SOBP: variants seen among roughly 807,000 people sequenced by gnomAD.
SOBP encodes sine oculis-binding protein homolog.
A neutral mutation model predicts 53.6 loss-of-function variants in SOBP; 4 were observed. The ratio of observed to expected loss-of-function variants is 0.07; its 90% CI spans 0.04 to 0.17. The LOEUF (loss-of-function observed/expected upper bound fraction) is 0.17, where lower values mean the gene tolerates loss of function less well. Ranked by LOEUF, SOBP falls within the 10% of genes least tolerant of loss-of-function variation. SOBP has a pLI of 1.00. For missense variants in SOBP, 1,088 were observed against 1,204.7 expected, an observed-to-expected ratio of 0.90 and a Z score of 1.43; for synonymous variants, 584 against 522.6, an observed-to-expected ratio of 1.12 and a Z score of -1.60.
intron 3 of SOBP, among the ~76,000 whole-genome samples, chr6:107,524,716 G>A (rs561638081): frequency 1.1e-4 from 17 of 152,298 alleles, no homozygotes; most frequent in African/African-American, 3.1e-4. Context: ...GCCCAGTGCA[G>A]GCAAAGGAGG....
At chr6:107,578,845 C>A (rs1785317939) in intron 4 of SOBP, among the ~76,000 whole-genome samples, 1 of 152,166 alleles carries the variant, frequency 6.6e-6, no homozygotes, top group African/African-American at 2.4e-5. Flanking sequence ...TCTGTAACAT[C>A]TGGATCCTTT....
intron 5 of SOBP, among the ~76,000 whole-genome samples, chr6:107,625,919 C>A: frequency 6.6e-6 from 1 of 152,188 alleles, no homozygotes; most frequent in Non-Finnish European, 1.5e-5. Context: ...CACTTTTTAA[C>A]ACATTAGTTT....
At chr6:107,510,923 T>C (rs1192239046) in intron 3 of SOBP, among the ~76,000 whole-genome samples, 1 of 152,202 alleles carries the variant, frequency 6.6e-6, no homozygotes, top group East Asian at 1.9e-4. Context: ...CCTGTGTTAG[T>C]GTTCAAATTA....
chr6:107,584,456 G>A (rs757486750), intron 4 of SOBP, among the ~76,000 whole-genome samples: 14 of 152,134 alleles, frequency 9.2e-5, no homozygotes, highest in Non-Finnish European at 1.9e-4. Flanking sequence ...ACGTGAAGGT[G>A]ATGGTTCAAG....
In SOBP at chr6:107,634,683, C is replaced by T. The variant is rs1562117216; in HGVS notation, c.1839C>T (p.Ala613=). 1 of 1,527,324 alleles carries T rather than the reference C, an allele frequency of 6.5e-7. No homozygotes were observed. The highest frequency in any genetic ancestry group is 8.7e-7 in the Non-Finnish European group (1 of 1,143,294). The allele number at this position is 1,527,324 out of a possible 1,614,324, so 94.6% of individuals were successfully genotyped here. A position where few individuals can be genotyped will look rare whatever the true frequency, so the allele number is the denominator to read the frequency against. ...GQALSLAPTP[A]EHGRSEVVDL... is the part of the protein sequence containing the mutation. ...CCCTGAGCCTGGCGCCCACGCCCGC[C>T]GAGCATGGCCGGAGCGAGGTGGTGG... Residue 613 remains alanine, a synonymous_variant, in exon 6 of 7, where the codon GCC becomes GCT. Coordinates refer to ENST00000317357, the MANE Select transcript of SOBP (RefSeq NM_018013.4). The surrounding 1 kb of genome is among the most constrained non-coding windows in gnomAD (Gnocchi z 4.5).
intron 4 of SOBP, among the ~76,000 whole-genome samples, chr6:107,580,533 A>G (rs975352516): frequency 3.3e-5 from 5 of 152,220 alleles, no homozygotes; most frequent in South Asian, 2.1e-4. Context: ...GGTAGAGGAA[A>G]TAAGACATGG....
intron 6 of SOBP, among the ~76,000 whole-genome samples, chr6:107,649,358 G>A (rs560022433): frequency 5.3e-5 from 8 of 151,784 alleles, no homozygotes; most frequent in Non-Finnish European, 5.9e-5. Context: ...GGTGGTACAT[G>A]CCTGTGGTCC....
At chr6:107,619,362 A>G (rs1786918639) in intron 5 of SOBP, among the ~76,000 whole-genome samples, 1 of 152,106 alleles carries the variant, frequency 6.6e-6, no homozygotes, top group Non-Finnish European at 1.5e-5. Flanking sequence ...AGCTGGGGAA[A>G]CTCTGGATGA....
At chr6:107,531,508 G>A (rs1783823753) in intron 3 of SOBP, among the ~76,000 whole-genome samples, 1 of 151,904 alleles carries the variant, frequency 6.6e-6, no homozygotes, top group South Asian at 2.1e-4. Flanking sequence ...ATACACCAAG[G>A]TAAATTATAA....
intron 2 of SOBP, 110 bp from the exon 3 acceptor site, chr6:107,506,132 G>A: frequency 1.1e-6 from 1 of 941,468 alleles, no homozygotes; most frequent in South Asian, 1.4e-5. Flanking sequence ...AGATTTGCAA[G>A]AAAAAATATG....
intron 1 of SOBP, among the ~76,000 whole-genome samples, chr6:107,493,883 G>T (rs1017301517): frequency 6.6e-6 from 1 of 152,188 alleles, no homozygotes; most frequent in South Asian, 2.1e-4. Flanking sequence ...TGTTTCACTA[G>T]ATCAGATATT....
rs1335909163 is a variant in SOBP at position 107,659,431 on chromosome 6, G to T, written c.*1228G>T. ...GAGCATGTGTACTGGCACTGAGTTG[G>T]TGAGACAGTTGTGGAGTATCCCATT... is the stretch of plus-strand genomic sequence containing the variant. On this transcript the variant is annotated 3_prime_UTR_variant, in exon 7 of 7. Coordinates refer to ENST00000317357, the MANE Select transcript of SOBP (RefSeq NM_018013.4). The T allele has an allele frequency of 1.3e-5, 2 of 151,878 alleles. No individual in the cohort carries two copies. Among genetic ancestry groups the T allele is most frequent in the Admixed American group, 1.3e-4 (2 of 15,224 alleles). The allele number at this position is 151,878 out of a possible 1,614,324, so 9.4% of individuals were successfully genotyped here. A position where few individuals can be genotyped will look rare whatever the true frequency, so the allele number is the denominator to read the frequency against.
At chr6:107,595,635 A>G (rs943754456) in intron 5 of SOBP, among the ~76,000 whole-genome samples, 2 of 152,218 alleles carry the variant, frequency 1.3e-5, no homozygotes, top group African/African-American at 4.8e-5. Context: ...GATATCAATT[A>G]TCAATATTAA....
intron 5 of SOBP, among the ~76,000 whole-genome samples, chr6:107,613,190 T>A (rs1429556251): frequency 6.6e-6 from 1 of 152,216 alleles, no homozygotes; most frequent in Non-Finnish European, 1.5e-5. Flanking sequence ...AGGTGGAGGC[T>A]GTGTGCCCTA....
At chr6:107,558,808 T>C (rs187353611) in intron 4 of SOBP, among the ~76,000 whole-genome samples, 1 of 152,248 alleles carries the variant, frequency 6.6e-6, no homozygotes, top group African/African-American at 2.4e-5. Context: ...ATTCTAGTGA[T>C]ATTAAAAAGT....
intron 6 of SOBP, among the ~76,000 whole-genome samples, chr6:107,642,877 A>G (rs1423063812): frequency 6.6e-6 from 1 of 152,268 alleles, no homozygotes; most frequent in Non-Finnish European, 1.5e-5. Flanking sequence ...AAATACAACT[A>G]AAAAGTAGAT....
intron 5 of SOBP, among the ~76,000 whole-genome samples, chr6:107,628,620 A>G (rs2115132854): frequency 6.6e-6 from 1 of 152,300 alleles, no homozygotes; most frequent in Middle Eastern, 3.4e-3. Context: ...CAATCATTAG[A>G]CTGTTAGCTC....
intron 1 of SOBP, among the ~76,000 whole-genome samples, chr6:107,499,222 T>C (rs1051889780): frequency 6.6e-6 from 1 of 152,140 alleles, no homozygotes; most frequent in African/African-American, 2.4e-5. Flanking sequence ...AATTAGAAGA[T>C]ATGTATTTTA....
intron 3 of SOBP, among the ~76,000 whole-genome samples, chr6:107,528,482 TATC>T (rs1436590406): frequency 1.3e-5 from 2 of 152,188 alleles, no homozygotes; most frequent in South Asian, 2.1e-4. Flanking sequence ...GGGCCTGTCT[TATC>T]ATTTAATGTT....
Sources: gnomAD v4.1 joint callset for allele counts (sites outside exome capture counted in the v4.1 genomes callset) on GRCh38, gnomAD v4.1.1 for gene constraint, Gnocchi (gnomAD v3.1) non-coding constraint, MANE v1.5 for transcripts, NCBI Gene and HGNC (gene_info 2026-07-23, HGNC 2026-07-21) for gene names.